Variants in GRIA3 observed in about 807,000 individuals in gnomAD.
GRIA3 encodes glutamate receptor 3.
GRIA3 carries 3 observed loss-of-function variants against 63.0 expected under a neutral mutation model. The ratio of observed to expected loss-of-function variants is 0.05; its 90% CI spans 0.02 to 0.12. The LOEUF is 0.12. Ranked by LOEUF, GRIA3 falls within the 10% of genes least tolerant of loss-of-function variation. The probability of loss-of-function intolerance (pLI) is 1.00; values close to 1 mark genes in which losing one functional copy is unlikely to be tolerated. For synonymous variants in GRIA3, 274 were observed against 257.9 expected (o/e 1.06, Z -0.60); for missense variants, 347 against 700.9 (o/e 0.50, Z 5.70).
At chrX:123,223,423 C>T (rs891047330) in intron 2 of GRIA3, among the ~76,000 whole-genome samples, 2 of 112,720 alleles carry the variant, frequency 1.8e-5, no homozygotes, top group Non-Finnish European at 3.7e-5. Flanking sequence ...CCTGTCAAAA[C>T]ATTCCTGTGC....
intron 9 of GRIA3, among the ~76,000 whole-genome samples, chrX:123,403,972 ACC>A (rs1344699689): frequency 1.8e-5 from 2 of 111,489 alleles, no homozygotes; most frequent in East Asian, 5.6e-4. Flanking sequence ...AATAATAATC[ACC>A]TACCCATGTC....
At chrX:123,316,169 ATACT>A (rs1316835913) in intron 3 of GRIA3, among the ~76,000 whole-genome samples, 1 of 111,854 alleles carries the variant, frequency 8.9e-6, no homozygotes, top group Non-Finnish European at 1.9e-5. Flanking sequence ...ATATGTCAAG[ATACT>A]TAATGTCAAT....
intron 12 of GRIA3, among the ~76,000 whole-genome samples, chrX:123,457,048 G>C (rs780638965): frequency 8.9e-5 from 10 of 112,043 alleles, no homozygotes; most frequent in African/African-American, 2.9e-4. Context: ...TGTCAAGCAA[G>C]AAGTAGTCCA....
intron 3 of GRIA3, among the ~76,000 whole-genome samples, chrX:123,299,861 T>C (rs761445443): frequency 9.0e-6 from 1 of 111,681 alleles, no homozygotes; most frequent in Non-Finnish European, 1.9e-5. Flanking sequence ...ACATTGGCTG[T>C]GGGTTTGTCA....
At position 123,254,128 on chromosome X, in the gene GRIA3, C is replaced by A. The variant is rs2044406250; in HGVS notation, c.508+586C>A. 3.6e-5 allele frequency among the ~76,000 whole-genome samples: 4 copies of A among 110,923 alleles called. No homozygotes were observed. In the Admixed American group the frequency reaches 3.8e-4, roughly 11 times the overall value. On this transcript the variant is annotated intron_variant, in intron 3 of 15. Transcript: ENST00000620443. ...AGCTAAACTGGGCTTTGGGGATTGA[C>A]TTTTTGTTTTGTTTTTGGTTTTGTT...
At chrX:123,463,128 A>T (rs975180885) in intron 12 of GRIA3, among the ~76,000 whole-genome samples, 1 of 111,575 alleles carries the variant, frequency 9.0e-6, no homozygotes, top group Non-Finnish European at 1.9e-5. Context: ...GTTTGACCTC[A>T]ACCTGAGTTG....
intron 2 of GRIA3, among the ~76,000 whole-genome samples, chrX:123,199,341 TC>T (rs752687349): frequency 4.2e-4 from 44 of 104,570 alleles, no homozygotes; most frequent in African/African-American, 1.5e-3. Flanking sequence ...GCATGGTGTA[TC>T]CAGCAGGCCG....
At chrX:123,463,700 A>AAAAG (rs151193852) in intron 12 of GRIA3, among the ~76,000 whole-genome samples, 8 of 71,139 alleles carry the variant, frequency 1.1e-4, no homozygotes, top group Non-Finnish European at 2.0e-4. Context: ...GAAAGAAAGA[A>AAAAG]AAAGAAAGAA....
At chrX:123,364,648 T>C (rs1370876261) in intron 5 of GRIA3, among the ~76,000 whole-genome samples, 1 of 112,291 alleles carries the variant, frequency 8.9e-6, no homozygotes, top group Non-Finnish European at 1.9e-5. Context: ...AATCAGCATA[T>C]TGAAGAGTTA....
chrX:123,304,327 C>G (rs1371910772), intron 3 of GRIA3, among the ~76,000 whole-genome samples: 3 of 111,632 alleles, frequency 2.7e-5, no homozygotes, highest in African/African-American at 9.8e-5. Context: ...TCCAAGCATG[C>G]CACATTTCCC....
At chrX:123,189,850 T>C (rs1216279356) in intron 2 of GRIA3, among the ~76,000 whole-genome samples, 1 of 111,186 alleles carries the variant, frequency 9.0e-6, no homozygotes, top group Non-Finnish European at 1.9e-5. Flanking sequence ...GATGCAAAAT[T>C]TTATTCCATT....
intron 3 of GRIA3, 164 bp downstream of exon 3, chrX:123,253,706 A>C (rs1433543599): frequency 9.7e-6 from 5 of 513,933 alleles, no homozygotes; most frequent in Non-Finnish European, 1.6e-5. Flanking sequence ...AATAAAAGTA[A>C]TAGTAATTTT....
At chrX:123,401,084 A>G (rs1024335949) in intron 7 of GRIA3, among the ~76,000 whole-genome samples, 24 of 111,922 alleles carry the variant, frequency 2.1e-4, no homozygotes, top group African/African-American at 7.1e-4. Context: ...GTTATGTCTA[A>G]GTCTTGCACA....
rs1041535132 is a variant in GRIA3, at chrX:123,488,759, G to A, written c.*49G>A. ...GTGATGAGAGGAAATCACCGAAAAC[G>A]TGGCTGCTTCAAGGATCCTGAGCCA... is the stretch of plus-strand genomic sequence containing the variant. On this transcript the variant is annotated 3_prime_UTR_variant, in exon 16 of 16. Transcript: ENST00000620443. 1.8e-5 allele frequency: 2 copies of A among 111,094 alleles called. No individual in the cohort carries two copies. The highest frequency in any genetic ancestry group is 2.9e-4 in the East Asian group (1 of 3,503). 9.2% of individuals were successfully genotyped at this position (111,094 alleles called of 1,213,427 possible). A position where few individuals can be genotyped will look rare whatever the true frequency, so the allele number is the denominator to read the frequency against.
At chrX:123,350,229 T>C (rs1162632865) in intron 4 of GRIA3, among the ~76,000 whole-genome samples, 2 of 111,078 alleles carry the variant, frequency 1.8e-5, no homozygotes, top group Non-Finnish European at 3.8e-5. Flanking sequence ...CAAAGAGAAA[T>C]AGAGTAAGGT....
At chrX:123,485,007 C>A (rs1196514037) in intron 15 of GRIA3, among the ~76,000 whole-genome samples, 1 of 112,602 alleles carries the variant, frequency 8.9e-6, no homozygotes, top group Non-Finnish European at 1.9e-5. Flanking sequence ...ATGTACAATA[C>A]ATGGATTCAT....
At position 123,356,031 on chromosome X, in the gene GRIA3, T is replaced by C. The variant is rs184333610; in HGVS notation, c.750+1068T>C. Among the ~76,000 whole-genome samples the C allele has an allele frequency of 5.4e-5, 6 of 111,893 alleles. No individual in the cohort carries two copies. In the East Asian group the frequency reaches 1.7e-3, roughly 31 times the overall value. ...TGGAGCACTTAGTCCATTTTGGGAA[T>C]AAATGAATCTAGTCTTTTAGAAGAA... On this transcript the variant is annotated intron_variant, in intron 5 of 15. Coordinates refer to ENST00000620443, the MANE Select transcript of GRIA3 (RefSeq NM_007325.5).
chrX:123,387,719 T>G (rs867624128), intron 5 of GRIA3, among the ~76,000 whole-genome samples: 2 of 112,724 alleles, frequency 1.8e-5, no homozygotes, highest in Non-Finnish European at 3.7e-5. Context: ...ATTCTGTTGA[T>G]GCAATGTATT....
intron 15 of GRIA3, 64 bp downstream of exon 15, chrX:123,483,110 T>TA: frequency 7.6e-6 from 7 of 920,818 alleles, no homozygotes; most frequent in African/African-American, 2.0e-5. Context: ...CTTTTTTTCT[T>TA]CTTTTTTTTT....
Sources: gnomAD v4.1 joint callset for allele counts (sites outside exome capture counted in the v4.1 genomes callset) on GRCh38, gnomAD v4.1.1 for gene constraint, MANE v1.5 for transcripts, NCBI Gene and HGNC (gene_info 2026-07-23, HGNC 2026-07-21) for gene names.